Variants in SIRT1 observed in about 807,000 individuals in gnomAD.
SIRT1 encodes the protein sirtuin 1.
In SIRT1, 24 loss-of-function variants were observed where a neutral mutation model predicts 67.9. The observed-to-expected ratio is 0.35, with a 90% CI of 0.26 to 0.50. The LOEUF (loss-of-function observed/expected upper bound fraction) is 0.50, where lower values mean the gene tolerates loss of function less well. Ranked by LOEUF, SIRT1 falls within the 20% of genes least tolerant of loss-of-function variation. The pLI is 0.98. For missense variants in SIRT1, 873 were observed against 937.2 expected (o/e 0.93, Z 0.89); for synonymous variants, 378 against 350.7 (o/e 1.08, Z -0.87).
At chr10:67,887,347 T>C (rs1842499395) in intron 1 of SIRT1, 70 bp from the exon 2 acceptor site, 22 of 943,940 alleles carry the variant, frequency 2.3e-5, no homozygotes, top group Non-Finnish European at 3.4e-5. Flanking sequence ...AAATGATTGC[T>C]CTATAACCGT....
chr10:67,894,597 T>C (rs187972866), intron 4 of SIRT1, among the ~76,000 whole-genome samples: 1 of 152,264 alleles, frequency 6.6e-6, no homozygotes, highest in African/African-American at 2.4e-5. Context: ...TTAAATCAAC[T>C]ACAAAAAACT....
intron 2 of SIRT1, 122 bp from the exon 3 acceptor site, chr10:67,888,760 T>A (rs974568587): frequency 3.8e-6 from 4 of 1,063,312 alleles, no homozygotes; most frequent in Non-Finnish European, 5.4e-6. Context: ...GAAATACCAT[T>A]AAATTGCATT....
intron 4 of SIRT1, chr10:67,906,376 T>G (rs545703311): frequency 4.6e-5 from 62 of 1,340,204 alleles, no homozygotes; most frequent in Non-Finnish European, 5.5e-5. Context: ...TATTCTTGTA[T>G]TGACAGTGCT....
intron 1 of SIRT1, chr10:67,885,383 C>T (rs1198308368): frequency 1.6e-6 from 2 of 1,230,704 alleles, no homozygotes; most frequent in African/African-American, 3.1e-5. Context: ...CGGCCTTGTT[C>T]TTTCCGCAGC....
At chr10:67,893,998 G>A (rs1448784233) in intron 4 of SIRT1, among the ~76,000 whole-genome samples, 3 of 152,072 alleles carry the variant, frequency 2.0e-5, no homozygotes, top group Non-Finnish European at 2.9e-5. Flanking sequence ...TGATTTTTTG[G>A]ATGCAGTAGC....
chr10:67,903,393 T>C (rs189773306), intron 4 of SIRT1, among the ~76,000 whole-genome samples: 1 of 150,298 alleles, frequency 6.7e-6, no homozygotes, highest in Non-Finnish European at 1.5e-5. Context: ...AGATAGTTCT[T>C]TTTTTTTTTG....
intron 7 of SIRT1, among the ~76,000 whole-genome samples, chr10:67,910,394 C>T (rs1288041381): frequency 6.6e-6 from 1 of 151,978 alleles, no homozygotes; most frequent in African/African-American, 2.4e-5. Flanking sequence ...AAAACAAACC[C>T]AGAAGTAATG....
At chr10:67,894,539 C>T (rs947271495) in intron 4 of SIRT1, among the ~76,000 whole-genome samples, 3 of 152,100 alleles carry the variant, frequency 2.0e-5, no homozygotes, top group African/African-American at 7.2e-5. Flanking sequence ...GTAGCGCAGA[C>T]ATTGACACTA....
rs1297151779 is a variant in SIRT1, at chr10:67,918,000, T to TGCATAAA, written c.*1408_*1414dup. 1.3e-5 allele frequency: 2 copies of TGCATAAA among 152,636 alleles called. No individual in the cohort carries two copies. Among genetic ancestry groups the TGCATAAA allele is most frequent in the African/African-American group, 4.8e-5 (2 of 41,462 alleles). 9.5% of individuals were successfully genotyped at this position (152,636 alleles called of 1,614,324 possible). A position where few individuals can be genotyped will look rare whatever the true frequency, so the allele number is the denominator to read the frequency against. ...GGGTTTGAAATATAGCTGTTCTTTATGCATAAAACACCCAGCTAGGACCAT... is the reference window on the plus strand; with the variant it reads ...GGGTTTGAAATATAGCTGTTCTTTATGCATAAAGCATAAAACACCCAGCTAGGACCAT... On this transcript the variant is annotated 3_prime_UTR_variant, in exon 9 of 9. Coordinates refer to ENST00000212015, the MANE Select transcript of SIRT1 (RefSeq NM_012238.5).
chr10:67,891,506 T>C lies in SIRT1; in HGVS notation c.894T>C (p.Asp298=). ...TTCCAGATCCTCAAGCGATGTTTGA[T>C]ATTGAATATTTCAGAAAAGATCCAA... ...PDLPDPQAMF[D]IEYFRKDPRP... The change falls in exon 4 of 9, where the codon GAT becomes GAC. Residue 298 remains aspartate, a synonymous_variant. Coordinates refer to ENST00000212015, the MANE Select transcript of SIRT1 (RefSeq NM_012238.5). The C allele has an allele frequency of 6.2e-7, 1 of 1,614,178 alleles. No individual in the cohort carries two copies. The highest frequency in any genetic ancestry group is 1.6e-4 in the Middle Eastern group (1 of 6,062).
intron 7 of SIRT1, among the ~76,000 whole-genome samples, chr10:67,911,795 C>T (rs1589084089): frequency 1.6e-5 from 2 of 124,398 alleles, no homozygotes; most frequent in Non-Finnish European, 3.2e-5. Flanking sequence ...TCCCTCCCTC[C>T]TATCCTCCCT....
In SIRT1 at chr10:67,885,161, G is replaced by A. The variant is rs1289215475; in HGVS notation, c.430+10G>A. 7.3e-7 allele frequency: 1 copy of A among 1,378,200 alleles called. No homozygotes were observed. The highest frequency in any genetic ancestry group is 9.5e-7 in the Non-Finnish European group (1 of 1,058,122). 85.4% of individuals were successfully genotyped at this position (1,378,200 alleles called of 1,614,324 possible). ...GCGATTGGGTACCGAGGTGCGCAGGGTGCGGGCGGCCGGAACTGCGCATCT... is the reference window on the plus strand; with the variant it reads ...GCGATTGGGTACCGAGGTGCGCAGGATGCGGGCGGCCGGAACTGCGCATCT... On this transcript the variant is annotated intron_variant, in intron 1 of 8. Transcript: ENST00000212015.
chr10:67,896,761 CAAAAAA>C (rs35899726), intron 4 of SIRT1, among the ~76,000 whole-genome samples: 24 of 56,748 alleles, frequency 4.2e-4, no homozygotes, highest in African/African-American at 1.1e-3. Flanking sequence ...GAATCTGTCT[CAAAAAA>C]AAAAAAAAAA....
At chr10:67,905,556 A>T (rs1842808947) in intron 4 of SIRT1, among the ~76,000 whole-genome samples, 1 of 152,168 alleles carries the variant, frequency 6.6e-6, no homozygotes, top group Non-Finnish European at 1.5e-5. Flanking sequence ...TAGAAGTTGC[A>T]GTGGGAATTT....
intron 5 of SIRT1, among the ~76,000 whole-genome samples, chr10:67,907,716 ACT>A (rs1435599762): frequency 6.6e-6 from 1 of 152,050 alleles, no homozygotes; most frequent in Non-Finnish European, 1.5e-5. Context: ...GAACTGTCCA[ACT>A]CTGCAGGATT....
intron 4 of SIRT1, among the ~76,000 whole-genome samples, chr10:67,898,128 C>T (rs1185342102): frequency 3.3e-5 from 5 of 150,206 alleles, no homozygotes; most frequent in South Asian, 4.2e-4. Context: ...GATGTGGTGG[C>T]GCATGCTGTA....
chr10:67,916,802 TAAAAA>T lies in SIRT1; in HGVS notation c.*216_*220del, dbSNP rs145705395. The stretch of plus-strand genomic sequence containing the variant: ...AACTCAACACTAACTTTTTTTTTTT[TAAAAA>T]AAAAAAGGTACTAAGTATCTTCAAT... On this transcript the variant is annotated 3_prime_UTR_variant, in exon 9 of 9. Coordinates refer to ENST00000212015, the MANE Select transcript of SIRT1 (RefSeq NM_012238.5). 6 of 283,356 alleles carry T rather than the reference TAAAAA, an allele frequency of 2.1e-5. No individual in the cohort carries two copies. The highest frequency in any genetic ancestry group is 1.0e-4 in the Admixed American group (2 of 19,894). The allele number at this position is 283,356 out of a possible 1,614,324, so 17.6% of individuals were successfully genotyped here. A position where few individuals can be genotyped will look rare whatever the true frequency, so the allele number is the denominator to read the frequency against.
chr10:67,886,871 CCTTTT>C (rs1842491022), intron 1 of SIRT1, among the ~76,000 whole-genome samples: 2 of 139,210 alleles, frequency 1.4e-5, no homozygotes, highest in East Asian at 2.1e-4. Flanking sequence ...TTTTTTTTTT[CCTTTT>C]CTTTTTTTTT....
chr10:67,901,885 A>G (rs902043878), intron 4 of SIRT1, among the ~76,000 whole-genome samples: 4 of 152,260 alleles, frequency 2.6e-5, no homozygotes, highest in African/African-American at 9.6e-5. Flanking sequence ...ACATTATGGA[A>G]TGGCTAACTC....
Sources: gnomAD v4.1 joint callset for allele counts (sites outside exome capture counted in the v4.1 genomes callset) on GRCh38, gnomAD v4.1.1 for gene constraint, MANE v1.5 for transcripts, NCBI Gene and HGNC (gene_info 2026-07-23, HGNC 2026-07-21) for gene names.